The following ASXL2 variants were observed in gnomAD, a reference collection of about 807,000 sequenced individuals.
ASXL2 encodes the protein putative Polycomb group protein ASXL2.
In ASXL2, 23 loss-of-function variants were observed where a neutral mutation model predicts 122.0. The observed-to-expected ratio is 0.19, with a 90% confidence interval of 0.14 to 0.27. The LOEUF is 0.27. Among genes scored for constraint, ASXL2 ranks in the 10% least tolerant of loss-of-function variants. ASXL2 has a pLI of 1.00. For missense variants in ASXL2, 1,518 were observed against 1,713.8 expected, an observed-to-expected ratio of 0.89 and a Z score of 2.02; for synonymous variants, 650 against 637.0, an observed-to-expected ratio of 1.02 and a Z score of -0.31.
chr2:25,869,712 A>T (rs1486484464), intron 1 of ASXL2, among the ~76,000 whole-genome samples: 1 of 151,934 alleles, frequency 6.6e-6, no homozygotes, highest in Non-Finnish European at 1.5e-5. Context: ...GCTACTCGGG[A>T]GGCTGAGGCA....
In ASXL2 at chr2:25,767,684, G is replaced by C. The variant is rs776518475; in HGVS notation, c.674C>G (p.Pro225Arg). 1 of 1,613,926 alleles carries C rather than the reference G, an allele frequency of 6.2e-7. No individual in the cohort carries two copies. Among genetic ancestry groups the C allele is most frequent in the Non-Finnish European group, 8.5e-7 (1 of 1,179,860 alleles). ...GKQSDGQTGS[P>R]QNSNSSFSSS... ...AGAAAAGCTGGAGTTTGAGTTTTGA[G>C]GGCTGCCTGTCTGTCCATCAGATTG... Residue 225 changes from proline (P) to arginine (R), a missense_variant, in exon 8 of 13, where the codon CCT (proline) becomes CGT (arginine). By Grantham distance (103) the Pro-to-Arg change is moderately radical. This residue lies in a region of ASXL2 where 198 missense variants were observed against 209.0 expected (regional missense o/e 0.95). Transcript: ENST00000435504.
Position 25,759,581 on chromosome 2 carries a change from A to G in ASXL2, c.840T>C (p.Asn280=). 1 of 1,613,960 alleles carries G rather than the reference A, an allele frequency of 6.2e-7. No homozygotes were observed. Residue 280 remains asparagine (N), a synonymous_variant, in exon 9 of 13, where the codon AAT becomes AAC. Coordinates refer to ENST00000435504, the MANE Select transcript of ASXL2 (RefSeq NM_018263.6). Reference sequence around the variant, plus strand: ...TGTTGATCAGTGCTCGCAGATTTGTATTAACCAGAATGGAGTCCGGTGTCT... The same window carrying G: ...TGTTGATCAGTGCTCGCAGATTTGTGTTAACCAGAATGGAGTCCGGTGTCT... ...DVETPDSILV[N]TNLRALINKH... is the part of the protein sequence containing the mutation.
intron 9 of ASXL2, among the ~76,000 whole-genome samples, chr2:25,756,465 G>GAAAAAAAAAAAAAAAAAAAAAAAAAAAA (rs71399321): frequency 1.1e-5 from 1 of 91,438 alleles, no homozygotes; most frequent in Non-Finnish European, 2.3e-5. Context: ...AAAAAAAAAA[G>GAAAAAAAAAAAAAAAAAAAAAAAAAAAA]AAAAAAAAAA....
chr2:25,759,996 G>A (rs1234260579), intron 8 of ASXL2, among the ~76,000 whole-genome samples: 2 of 151,986 alleles, frequency 1.3e-5, no homozygotes, highest in African/African-American at 4.8e-5. Flanking sequence ...GAATGTCTAA[G>A]AAAGAAAACC....
intron 5 of ASXL2, among the ~76,000 whole-genome samples, chr2:25,794,451 G>T (rs1459095857): frequency 1.3e-5 from 2 of 152,120 alleles, no homozygotes; most frequent in Non-Finnish European, 1.5e-5. Flanking sequence ...TCATTTTTCT[G>T]AAGTTATTAT....
At chr2:25,810,269 C>T in intron 3 of ASXL2, 2 of 629,644 alleles carry the variant, frequency 3.2e-6, no homozygotes, top group Non-Finnish European at 6.0e-6. Context: ...CAATGACCAC[C>T]AACTTACGAG....
intron 5 of ASXL2, among the ~76,000 whole-genome samples, chr2:25,774,520 G>T (rs1234357619): frequency 6.6e-6 from 1 of 152,066 alleles, no homozygotes; most frequent in Non-Finnish European, 1.5e-5. Flanking sequence ...ACATTCTGTA[G>T]GCTGTTTTGA....
At chr2:25,793,543 T>C (rs537439490) in intron 5 of ASXL2, among the ~76,000 whole-genome samples, 41 of 152,274 alleles carry the variant, frequency 2.7e-4, no homozygotes, top group African/African-American at 9.6e-4. Flanking sequence ...TGGGCCCCTA[T>C]GAAGTATTAG....
chr2:25,770,309 A>G (rs1250937511), intron 6 of ASXL2, among the ~76,000 whole-genome samples: 1 of 152,052 alleles, frequency 6.6e-6, no homozygotes, highest in Non-Finnish European at 1.5e-5. Context: ...CCTGGGTTCA[A>G]ATGATTCTCT....
At chr2:25,857,949 T>C (rs1458621953) in intron 1 of ASXL2, among the ~76,000 whole-genome samples, 2 of 152,216 alleles carry the variant, frequency 1.3e-5, no homozygotes, top group Non-Finnish European at 2.9e-5. Context: ...CTCAACTCAC[T>C]GCAATCTCTA....
intron 2 of ASXL2, among the ~76,000 whole-genome samples, chr2:25,840,475 C>T (rs367831713): frequency 5.3e-5 from 8 of 152,314 alleles, no homozygotes; most frequent in Middle Eastern, 3.4e-3. Context: ...ATCTTTAGAA[C>T]GTTTTCAACG....
chr2:25,821,367 A>G (rs2089308517), intron 3 of ASXL2, among the ~76,000 whole-genome samples: 1 of 151,972 alleles, frequency 6.6e-6, no homozygotes, highest in Non-Finnish European at 1.5e-5. Flanking sequence ...GAAAGAAAGA[A>G]AAAGGGGAAA....
chr2:25,822,693 T>A, intron 3 of ASXL2: 1 of 713,198 alleles, frequency 1.4e-6, no homozygotes, highest in Non-Finnish European at 2.4e-6. Flanking sequence ...AATTGTATGT[T>A]GTTTACGAAA....
At chr2:25,837,964 A>C (rs1046851943) in intron 2 of ASXL2, among the ~76,000 whole-genome samples, 4 of 151,562 alleles carry the variant, frequency 2.6e-5, no homozygotes, top group African/African-American at 4.8e-5. Context: ...AAAAAAAAAA[A>C]AAAAAAAACA....
At chr2:25,843,226 T>C (rs1222305510) in intron 2 of ASXL2, among the ~76,000 whole-genome samples, 1 of 145,580 alleles carries the variant, frequency 6.9e-6, no homozygotes, top group Non-Finnish European at 1.5e-5. Flanking sequence ...GGGGTGAACC[T>C]GGGAGGCGGA....
intron 1 of ASXL2, among the ~76,000 whole-genome samples, chr2:25,849,043 C>T (rs1177365182): frequency 7.2e-5 from 2 of 27,742 alleles, no homozygotes; most frequent in Middle Eastern, 0.013. Flanking sequence ...GAAACTCCGT[C>T]TCAAAAAAAA....
At chr2:25,781,960 T>C (rs1368685942) in intron 5 of ASXL2, among the ~76,000 whole-genome samples, 1 of 70,548 alleles carries the variant, frequency 1.4e-5, no homozygotes, top group African/African-American at 5.9e-5. Flanking sequence ...CCGCCCGGGC[T>C]TTTTTCTTTT....
chr2:25,873,045 G>A lies in ASXL2; in HGVS notation c.57+5121C>T, dbSNP rs924953756. On this transcript the variant is annotated intron_variant, in intron 1 of 12. Coordinates refer to ENST00000435504, the MANE Select transcript of ASXL2 (RefSeq NM_018263.6). ...ATTTTGGTGCACCCATCACCCGAGC[G>A]GTGTACACTGTACCCAATGTGTAGT... Among the ~76,000 whole-genome samples the A allele has an allele frequency of 9.9e-5, 15 of 151,996 alleles. No individual in the cohort carries two copies. The East Asian group carries it at 2.7e-3, about 27-fold the overall frequency.
At position 25,740,107 on chromosome 2, in the gene ASXL2, A is replaced by T. The variant is rs557995306; in HGVS notation, c.*1922T>A. The T allele has an allele frequency of 4.4e-6, 1 of 225,966 alleles. No individual in the cohort carries two copies. Among genetic ancestry groups the T allele is most frequent in the East Asian group, 6.4e-5 (1 of 15,654 alleles). 14.0% of individuals were successfully genotyped at this position (225,966 alleles called of 1,614,324 possible). ...CTGTGTGTGCTGGAAGAAAGGAGAAAGATGGACAGACATATCGTTCTGGCT... is the reference window on the plus strand; with the variant it reads ...CTGTGTGTGCTGGAAGAAAGGAGAATGATGGACAGACATATCGTTCTGGCT... On this transcript the variant is annotated 3_prime_UTR_variant, in exon 13 of 13. Transcript: ENST00000435504.
Sources: gnomAD v4.1 joint callset for allele counts (sites outside exome capture counted in the v4.1 genomes callset) on GRCh38, gnomAD v4.1.1 for gene constraint, gnomAD v4.1.1 regional missense constraint, MANE v1.5 for transcripts, NCBI Gene and HGNC (gene_info 2026-07-23, HGNC 2026-07-21) for gene names.